Variants in UTS2 observed in about 807,000 individuals in gnomAD.
The protein encoded by UTS2 is urotensin-2.
UTS2 carries 10 observed loss-of-function variants against 12.6 expected under a neutral mutation model. The observed-to-expected ratio is 0.80, with a 90% CI of 0.49 to 1.35. UTS2 has a LOEUF of 1.35. Ranked by LOEUF, UTS2 falls within the 40% of genes most tolerant of loss-of-function variation. The pLI, the probability that UTS2 is intolerant of heterozygous loss-of-function variation, is 0.00. For synonymous variants in UTS2, 52 were observed against 50.0 expected (o/e 1.04, Z -0.17); for missense variants, 142 against 143.2 (o/e 0.99, Z 0.04).
chr1:7,850,764 T>G (rs2151382631), intron 2 of UTS2, 48 bp downstream of exon 2: 1 of 1,575,410 alleles, frequency 6.3e-7, no homozygotes, highest in African/African-American at 1.3e-5. Flanking sequence ...GACGGTAAGT[T>G]CAGTAGCAAT....
chr1:7,854,641 AG>A (rs1215986906), upstream of UTS2, among the ~76,000 whole-genome samples: 4 of 152,140 alleles, frequency 2.6e-5, no homozygotes, highest in Admixed American at 1.3e-4. Context: ...CAAATCACAC[AG>A]GAAAAAAATT....
In UTS2 at chr1:7,847,663, T is replaced by G; in HGVS notation, c.*103A>C. ...CCAGGTAACAATGAACAGGGTGTAG[T>G]TTGCCTAGTTTTTCTCCACACTGTT... On this transcript the variant is annotated 3_prime_UTR_variant, in exon 4 of 4. Transcript: ENST00000361696. 1 of 877,840 alleles carries G rather than the reference T, an allele frequency of 1.1e-6. No individual in the cohort carries two copies. The highest frequency in any genetic ancestry group is 1.8e-6 in the Non-Finnish European group (1 of 547,074). The allele number at this position is 877,840 out of a possible 1,614,324, so 54.4% of individuals were successfully genotyped here. A position where few individuals can be genotyped will look rare whatever the true frequency, so the allele number is the denominator to read the frequency against.
At chr1:7,869,306 C>G in the UTS2 span, among the ~76,000 whole-genome samples, 1 of 152,206 alleles carries the variant, frequency 6.6e-6, no homozygotes, top group Admixed American at 6.5e-5. Flanking sequence ...AGGTGTGTGA[C>G]TGAGCCCTTT....
the UTS2 span, among the ~76,000 whole-genome samples, chr1:7,899,715 A>G: frequency 2.0e-5 from 3 of 152,186 alleles, no homozygotes; most frequent in African/African-American, 7.2e-5. Context: ...TTTGTGAACT[A>G]TATTAACGTA....
chr1:7,874,383 C>T, the UTS2 span, among the ~76,000 whole-genome samples: 30 of 152,224 alleles, frequency 2.0e-4, no homozygotes, highest in Non-Finnish European at 3.5e-4. Flanking sequence ...GAGCCCACCC[C>T]TGACCAGACC....
the UTS2 span, among the ~76,000 whole-genome samples, chr1:7,888,180 C>T: frequency 6.6e-6 from 1 of 152,328 alleles, no homozygotes; most frequent in African/African-American, 2.4e-5. Flanking sequence ...TAACTTTTAC[C>T]TCTCAGTTTA....
At chr1:7,874,383 C>A in the UTS2 span, among the ~76,000 whole-genome samples, 4 of 152,224 alleles carry the variant, frequency 2.6e-5, no homozygotes, top group Admixed American at 2.6e-4. Context: ...GAGCCCACCC[C>A]TGACCAGACC....
chr1:7,864,940 C>A, the UTS2 span, among the ~76,000 whole-genome samples: 1 of 125,992 alleles, frequency 7.9e-6, no homozygotes, highest in Middle Eastern at 3.9e-3. Flanking sequence ...CCGATACCAT[C>A]TTCCCCCTGT....
chr1:7,885,512 A>C, the UTS2 span, among the ~76,000 whole-genome samples: 1 of 152,068 alleles, frequency 6.6e-6, no homozygotes, highest in African/African-American at 2.4e-5. Flanking sequence ...CGGGATCCTT[A>C]AGGTTACCTC....
At chr1:7,880,693 G>A in the UTS2 span, among the ~76,000 whole-genome samples, 11 of 152,224 alleles carry the variant, frequency 7.2e-5, no homozygotes, top group Non-Finnish European at 1.3e-4. Flanking sequence ...GAAAGCCCAG[G>A]ACTGAAAGAT....
chr1:7,862,986 TTG>T, the UTS2 span, among the ~76,000 whole-genome samples: 4 of 23,100 alleles, frequency 1.7e-4, 1 homozygote, highest in Admixed American at 7.5e-4. Context: ...ATTTATTGTG[TTG>T]TGTTGTATTG....
the UTS2 span, among the ~76,000 whole-genome samples, chr1:7,861,206 C>T: frequency 6.6e-6 from 1 of 152,092 alleles, no homozygotes; most frequent in African/African-American, 2.4e-5. Context: ...GGCAAGGTGA[C>T]GTTACCTGTA....
chr1:7,906,399 CAAGA>C, the UTS2 span, among the ~76,000 whole-genome samples: 9 of 102,858 alleles, frequency 8.7e-5, no homozygotes, highest in African/African-American at 3.3e-4. Context: ...TATAGCACAG[CAAGA>C]AAGAAAGAAA....
the UTS2 span, among the ~76,000 whole-genome samples, chr1:7,905,717 C>T: frequency 6.6e-6 from 1 of 152,104 alleles, no homozygotes; most frequent in Non-Finnish European, 1.5e-5. Flanking sequence ...AAATGAACAT[C>T]TTTCTTCAGT....
At chr1:7,852,430 T>C (rs115506976) in intron 1 of UTS2, among the ~76,000 whole-genome samples, 3,261 of 152,282 alleles carry the variant, frequency 0.021, 66 homozygotes, top group South Asian at 0.035. Flanking sequence ...TGTCATTTAC[T>C]AAAAAATTTT....
chr1:7,882,568 T>C, the UTS2 span, among the ~76,000 whole-genome samples: 1 of 152,192 alleles, frequency 6.6e-6, no homozygotes, highest in Admixed American at 6.5e-5. Context: ...CAAATGGGAC[T>C]ATATTGAACT....
chr1:7,863,044 T>C, the UTS2 span, among the ~76,000 whole-genome samples: 1 of 31,236 alleles, frequency 3.2e-5, no homozygotes, highest in African/African-American at 9.2e-5. Flanking sequence ...TATTGTATTG[T>C]ATTGTATTGT....
At chr1:7,883,505 C>T in the UTS2 span, among the ~76,000 whole-genome samples, 2 of 152,156 alleles carry the variant, frequency 1.3e-5, no homozygotes, top group African/African-American at 4.8e-5. Context: ...TTAACAACAA[C>T]ATATTTCATA....
chr1:7,860,558 T>C, the UTS2 span, among the ~76,000 whole-genome samples: 7 of 152,050 alleles, frequency 4.6e-5, no homozygotes, highest in Non-Finnish European at 8.8e-5. Flanking sequence ...CAATCTAAAC[T>C]GTGTTTTATT....
Sources: allele counts gnomAD v4.1 joint callset (sites outside exome capture counted in the v4.1 genomes callset), GRCh38; gene constraint gnomAD v4.1.1; transcripts MANE v1.5; gene names NCBI Gene and HGNC (gene_info 2026-07-23, HGNC 2026-07-21).